Variants in IQCH observed in about 807,000 individuals in gnomAD.
IQCH encodes IQ motif containing H, also known as IQ domain-containing protein H.
A neutral mutation model predicts 117.0 loss-of-function variants in IQCH; 98 were observed. The observed-to-expected ratio is 0.84, with a 90% confidence interval of 0.71 to 0.99. The LOEUF (loss-of-function observed/expected upper bound fraction) is 0.99. Ranked by LOEUF, IQCH falls within the 50% of genes least tolerant of loss-of-function variation. The pLI is 0.00. For missense variants in IQCH, 1,102 were observed against 1,243.8 expected, an observed-to-expected ratio of 0.89 and a Z score of 1.72; for synonymous variants, 412 against 448.2, an observed-to-expected ratio of 0.92 and a Z score of 1.02.
At chr15:67,402,222 CT>C (rs1224223516) in intron 14 of IQCH, among the ~76,000 whole-genome samples, 3 of 152,138 alleles carry the variant, frequency 2.0e-5, no homozygotes, top group African/African-American at 7.2e-5. Flanking sequence ...AATAATCTAA[CT>C]AAATCATTTT....
At chr15:67,373,280 A>C in intron 9 of IQCH, 87 bp from the exon 10 acceptor site, 1 of 803,344 alleles carries the variant, frequency 1.2e-6, no homozygotes, top group Non-Finnish European at 2.1e-6. Context: ...GCCTGGCTTA[A>C]CTGTACAGTG....
At chr15:67,281,242 G>A (rs1173664572) in intron 4 of IQCH, among the ~76,000 whole-genome samples, 13 of 152,142 alleles carry the variant, frequency 8.5e-5, no homozygotes, top group African/African-American at 2.4e-5. Flanking sequence ...TATGCCTAGG[G>A]TGTGGGCCAT....
chr15:67,340,916 T>C (rs1041809967), intron 5 of IQCH, among the ~76,000 whole-genome samples: 1 of 152,124 alleles, frequency 6.6e-6, no homozygotes, highest in African/African-American at 2.4e-5. Flanking sequence ...AGATAGAGAA[T>C]AAACACAAGT....
At chr15:67,346,372 G>A (rs1198888071) in intron 6 of IQCH, among the ~76,000 whole-genome samples, 2 of 152,072 alleles carry the variant, frequency 1.3e-5, no homozygotes, top group African/African-American at 2.4e-5. Flanking sequence ...CCAGGGACCA[G>A]TTTTCTGGGA....
chr15:67,419,622 T>C (rs2081672939), intron 15 of IQCH, among the ~76,000 whole-genome samples: 1 of 152,212 alleles, frequency 6.6e-6, no homozygotes, highest in Non-Finnish European at 1.5e-5. Flanking sequence ...GGCACAATTA[T>C]AGCTCACTGC....
intron 18 of IQCH, among the ~76,000 whole-genome samples, chr15:67,480,267 C>T (rs529834320): frequency 6.6e-6 from 1 of 152,342 alleles, no homozygotes; most frequent in African/African-American, 2.4e-5. Context: ...CAGCCCTCCT[C>T]CTGAAGTTGG....
intron 10 of IQCH, among the ~76,000 whole-genome samples, chr15:67,380,216 G>T (rs1228945031): frequency 2.0e-5 from 3 of 152,122 alleles, no homozygotes; most frequent in Admixed American, 2.0e-4. Flanking sequence ...ATGCAATGCT[G>T]TGCTAACCAC....
intron 6 of IQCH, among the ~76,000 whole-genome samples, chr15:67,344,821 A>G (rs544403803): frequency 3.3e-5 from 5 of 152,332 alleles, no homozygotes; most frequent in African/African-American, 1.2e-4. Flanking sequence ...GAATGTTCTA[A>G]ATACACCAAT....
chr15:67,265,406 A>T (rs981313242), intron 3 of IQCH, among the ~76,000 whole-genome samples: 4 of 152,142 alleles, frequency 2.6e-5, no homozygotes, highest in African/African-American at 9.7e-5. Context: ...TAGTATAATC[A>T]TTGGCCTTCT....
rs1057153517 is a variant in IQCH, at chr15:67,288,941, T to G, written c.387+9429T>G. ...GAGGCTTTACAAAGGCAATGATGCC[T>G]GGGCTGAGTCTCAGCCAGCTAAGAT... On this transcript the variant is annotated intron_variant, in intron 4 of 20. Transcript: ENST00000335894. Among the ~76,000 whole-genome samples the G allele has an allele frequency of 5.9e-5, 9 of 152,140 alleles. 1 individual carries two copies. Among genetic ancestry groups the G allele is most frequent in the Non-Finnish European group, 1.3e-4 (9 of 68,040 alleles).
intron 4 of IQCH, among the ~76,000 whole-genome samples, chr15:67,311,481 G>A (rs1415110060): frequency 6.6e-6 from 1 of 150,414 alleles, no homozygotes; most frequent in East Asian, 1.9e-4. Flanking sequence ...TTCATAATTT[G>A]TCTTCATCAA....
At chr15:67,306,989 G>A in intron 4 of IQCH, 2 of 1,362,400 alleles carry the variant, frequency 1.5e-6, no homozygotes, top group South Asian at 1.9e-5. Flanking sequence ...TTTCTTAAAA[G>A]GCTTGAAACA....
chr15:67,319,084 A>G (rs972356831), intron 4 of IQCH, among the ~76,000 whole-genome samples: 1 of 152,010 alleles, frequency 6.6e-6, no homozygotes, highest in Non-Finnish European at 1.5e-5. Context: ...AAAATTAACC[A>G]GGCGTGGTGG....
chr15:67,310,589 C>A (rs1319960580), intron 4 of IQCH, among the ~76,000 whole-genome samples: 1 of 152,102 alleles, frequency 6.6e-6, no homozygotes, highest in Non-Finnish European at 1.5e-5. Flanking sequence ...CTGGTGCATA[C>A]TTTTGGCACA....
Position 67,441,398 on chromosome 15 carries a change from T to C in IQCH, c.2505+19821T>C, listed in dbSNP as rs140610105. 1.2e-4 allele frequency among the ~76,000 whole-genome samples: 18 copies of C among 152,218 alleles called. 1 individual carries two copies. In the East Asian group the frequency reaches 3.5e-3, roughly 29 times the overall value. On this transcript the variant is annotated intron_variant, in intron 16 of 20. Transcript: ENST00000335894. ...TTAGAAAAAACAATTCTAAAATTCA[T>C]ATGGAACCAAAAAAGAGCCCAGATG...
chr15:67,445,396 A>G lies in IQCH; in HGVS notation c.2506-19731A>G, dbSNP rs1317054038. ...CTTAAAGACTTTATCTTCCCCTGTC[A>G]TGTTACATTCCTATCCCACCCCAGA... On this transcript the variant is annotated intron_variant, in intron 16 of 20. Coordinates refer to ENST00000335894, the MANE Select transcript of IQCH (RefSeq NM_001031715.3). This position sits in a 1 kb window ranked among gnomAD's most constrained non-coding sequence, Gnocchi z 4.3. 6.6e-6 allele frequency among the ~76,000 whole-genome samples: 1 copy of G among 152,128 alleles called. No individual in the cohort carries two copies. The highest frequency in any genetic ancestry group is 1.5e-5 in the Non-Finnish European group (1 of 68,024).
intron 6 of IQCH, among the ~76,000 whole-genome samples, chr15:67,344,675 T>C (rs1969310504): frequency 6.6e-6 from 1 of 152,220 alleles, no homozygotes; most frequent in African/African-American, 2.4e-5. Flanking sequence ...CAAATTTATA[T>C]TTTATGCAAT....
intron 16 of IQCH, among the ~76,000 whole-genome samples, chr15:67,440,065 A>C (rs986363108): frequency 6.6e-6 from 1 of 152,270 alleles, no homozygotes; most frequent in Admixed American, 6.5e-5. Flanking sequence ...GAAAGACAAA[A>C]GATCATTGAA....
At chr15:67,383,071 T>C (rs1257246148) in intron 10 of IQCH, among the ~76,000 whole-genome samples, 2 of 151,538 alleles carry the variant, frequency 1.3e-5, no homozygotes, top group African/African-American at 4.9e-5. Context: ...CGTTGTATCT[T>C]GTCCATGTAG....
Sources: allele counts gnomAD v4.1 joint callset (sites outside exome capture counted in the v4.1 genomes callset), GRCh38; gene constraint gnomAD v4.1.1; non-coding constraint Gnocchi (gnomAD v3.1); transcripts MANE v1.5; gene names NCBI Gene and HGNC (gene_info 2026-07-23, HGNC 2026-07-21).